Variants in SPEF2 observed in about 807,000 individuals in gnomAD.
SPEF2 encodes sperm flagella and cilia-associated protein 2.
Under a neutral mutation model 224.6 loss-of-function variants are expected in SPEF2, and 187 were observed. The ratio of observed to expected loss-of-function variants is 0.83; its 90% CI spans 0.74 to 0.94. The LOEUF (loss-of-function observed/expected upper bound fraction) is 0.94, where lower values mean the gene tolerates loss of function less well. SPEF2 is among the 40% of genes least tolerant of loss of function. SPEF2 has a pLI of 0.00. For missense variants in SPEF2, 2,170 were observed against 2,135.6 expected, an observed-to-expected ratio of 1.02 and a Z score of -0.32; for synonymous variants, 715 against 707.3, an observed-to-expected ratio of 1.01 and a Z score of -0.17.
chr5:35,682,634 C>T (rs1210933201), intron 10 of SPEF2, among the ~76,000 whole-genome samples: 1 of 152,206 alleles, frequency 6.6e-6, no homozygotes, highest in African/African-American at 2.4e-5. Flanking sequence ...AAAAAAGCCA[C>T]CTTTGAATGT....
chr5:35,802,655 C>A (rs995156594), intron 34 of SPEF2, among the ~76,000 whole-genome samples: 10 of 152,154 alleles, frequency 6.6e-5, no homozygotes, highest in Admixed American at 2.0e-4. Context: ...AGGGGGAGAG[C>A]CTTGCAAGTC....
In SPEF2 at chr5:35,724,558, G is replaced by T. The variant is rs1162065975; in HGVS notation, c.2915-3117G>T. On this transcript the variant is annotated intron_variant, in intron 20 of 36. Coordinates refer to ENST00000356031, the MANE Select transcript of SPEF2 (RefSeq NM_024867.4). Reference sequence around the variant, plus strand: ...GAACTACATCAATAGACACTAAAAGGCAATGAAGTATGACAATCAAAAGCA... The same window carrying T: ...GAACTACATCAATAGACACTAAAAGTCAATGAAGTATGACAATCAAAAGCA... Among the ~76,000 whole-genome samples, 3 of 152,130 alleles carry T rather than the reference G, an allele frequency of 2.0e-5. No individual in the cohort carries two copies. The East Asian group carries it at 5.8e-4, about 29-fold the overall frequency.
chr5:35,622,531 G>A (rs972258581), intron 1 of SPEF2, among the ~76,000 whole-genome samples: 48 of 152,268 alleles, frequency 3.2e-4, no homozygotes, highest in African/African-American at 1.1e-3. Context: ...TAAGAGCATT[G>A]TTTAGGATTA....
chr5:35,768,838 C>T (rs999250287), intron 26 of SPEF2, among the ~76,000 whole-genome samples: 4 of 152,118 alleles, frequency 2.6e-5, no homozygotes, highest in Non-Finnish European at 5.9e-5. Context: ...ATAGCACCAG[C>T]TGAGATTAGT....
intron 20 of SPEF2, among the ~76,000 whole-genome samples, chr5:35,722,731 C>A (rs563869206): frequency 7.1e-6 from 1 of 140,768 alleles, no homozygotes; most frequent in Admixed American, 7.5e-5. Context: ...TGAGAATATG[C>A]GGTGTTTGGT....
intron 10 of SPEF2, among the ~76,000 whole-genome samples, chr5:35,682,051 A>T (rs185699994): frequency 8.5e-5 from 13 of 152,298 alleles, no homozygotes; most frequent in Non-Finnish European, 1.5e-4. Context: ...CTTAACTTTA[A>T]GTATTACAAA....
chr5:35,653,924 G>T (rs1189255460), intron 6 of SPEF2, among the ~76,000 whole-genome samples: 2 of 141,902 alleles, frequency 1.4e-5, no homozygotes, highest in African/African-American at 5.3e-5. Flanking sequence ...TCCAGCCTGG[G>T]TGACAGAGTG....
At chr5:35,737,581 T>C (rs1490265450) in intron 21 of SPEF2, among the ~76,000 whole-genome samples, 2 of 152,164 alleles carry the variant, frequency 1.3e-5, no homozygotes, top group East Asian at 1.9e-4. Flanking sequence ...CCATGGTGTA[T>C]ATGTGCAAAA....
chr5:35,647,456 T>A (rs1580111657), intron 5 of SPEF2, among the ~76,000 whole-genome samples: 1 of 151,064 alleles, frequency 6.6e-6, no homozygotes, highest in Non-Finnish European at 1.5e-5. Context: ...AAAAAGAGAG[T>A]GAGAGAGAAG....
At chr5:35,658,654 A>G (rs991273099) in intron 7 of SPEF2, among the ~76,000 whole-genome samples, 1 of 152,104 alleles carries the variant, frequency 6.6e-6, no homozygotes, top group African/African-American at 2.4e-5. Flanking sequence ...AACTCGTGTT[A>G]CAGGAGTTTG....
At position 35,659,045 on chromosome 5, in the gene SPEF2, T is replaced by C. The variant is rs767124025; in HGVS notation, c.1005T>C (p.Ile335=). ...QEEAYREEQL[I]NRLMRQSQQE... ...AGGCTTATCGGGAGGAACAGCTGATTAACCGGCTGATGCGGCAGTCCCAGC... is the reference window on the plus strand; with the variant it reads ...AGGCTTATCGGGAGGAACAGCTGATCAACCGGCTGATGCGGCAGTCCCAGC... Residue 335 remains isoleucine, a synonymous_variant, in exon 8 of 37, where the codon ATT becomes ATC. Coordinates refer to ENST00000356031, the MANE Select transcript of SPEF2 (RefSeq NM_024867.4). The C allele has an allele frequency of 4.7e-5, 75 of 1,581,128 alleles. No individual in the cohort carries two copies. The highest frequency in any genetic ancestry group is 5.3e-5 in the Non-Finnish European group (61 of 1,160,348).
intron 23 of SPEF2, among the ~76,000 whole-genome samples, chr5:35,743,740 A>G (rs1748038791): frequency 1.3e-5 from 2 of 152,062 alleles, no homozygotes; most frequent in South Asian, 4.2e-4. Flanking sequence ...AAAACTGGTG[A>G]AAGTAAGTGA....
chr5:35,795,015 C>A (rs933664902), intron 32 of SPEF2, among the ~76,000 whole-genome samples: 8 of 152,078 alleles, frequency 5.3e-5, no homozygotes, highest in Admixed American at 3.9e-4. Flanking sequence ...GCCCCTCCCC[C>A]CACAATGTTG....
chr5:35,770,299 A>G (rs75405243), intron 26 of SPEF2, among the ~76,000 whole-genome samples: 1 of 152,148 alleles, frequency 6.6e-6, no homozygotes, highest in Non-Finnish European at 1.5e-5. Flanking sequence ...ACATTGTGGG[A>G]TGACTGAATC....
chr5:35,709,653 A>G, intron 19 of SPEF2: 1 of 896,888 alleles, frequency 1.1e-6, no homozygotes, highest in Non-Finnish European at 1.3e-6. Flanking sequence ...ATATTTATGG[A>G]CACAGAGATA....
At chr5:35,736,369 A>G (rs1746589180) in intron 21 of SPEF2, among the ~76,000 whole-genome samples, 1 of 152,148 alleles carries the variant, frequency 6.6e-6, no homozygotes, top group Non-Finnish European at 1.5e-5. Flanking sequence ...GGTTTAATTG[A>G]CTCACACAGT....
At chr5:35,808,245 T>C in intron 36 of SPEF2, 1 of 797,406 alleles carries the variant, frequency 1.3e-6, no homozygotes, top group East Asian at 1.3e-4. Context: ...ATAACTGAAG[T>C]TGATTTCTTT....
intron 23 of SPEF2, among the ~76,000 whole-genome samples, chr5:35,740,488 C>T (rs1021088330): frequency 7.2e-5 from 11 of 152,240 alleles, no homozygotes; most frequent in South Asian, 4.1e-4. Context: ...GGCCAAAGTC[C>T]GCACTGCGAG....
At chr5:35,751,364 G>A (rs907450796) in intron 23 of SPEF2, among the ~76,000 whole-genome samples, 20 of 150,882 alleles carry the variant, frequency 1.3e-4, no homozygotes, top group African/African-American at 4.9e-4. Context: ...ATATGGTGCA[G>A]TGTATACTGC....
Sources: gnomAD v4.1 joint callset for allele counts (sites outside exome capture counted in the v4.1 genomes callset) on GRCh38, gnomAD v4.1.1 for gene constraint, MANE v1.5 for transcripts, NCBI Gene and HGNC (gene_info 2026-07-23, HGNC 2026-07-21) for gene names.